Variants in ASTL observed in about 807,000 individuals in gnomAD.
ASTL encodes the protein astacin-like metalloendopeptidase.
Under a neutral mutation model 36.7 loss-of-function variants are expected in ASTL, and 27 were observed. The observed-to-expected ratio is 0.73, with a 90% CI of 0.54 to 1.01. The LOEUF (loss-of-function observed/expected upper bound fraction) is 1.01. Ranked by LOEUF, ASTL falls within the 50% of genes least tolerant of loss-of-function variation. The probability of loss-of-function intolerance (pLI) is 0.00; values close to 1 mark genes in which losing one functional copy is unlikely to be tolerated. For synonymous variants in ASTL, 222 were observed against 228.1 expected (o/e 0.97, Z 0.24); for missense variants, 524 against 572.8 (o/e 0.91, Z 0.87).
At chr2:96,137,927 G>A (rs1444118714) in intron 1 of ASTL, 2 of 531,502 alleles carry the variant, frequency 3.8e-6, no homozygotes, top group Non-Finnish European at 6.7e-6. Context: ...GGGACCAAAA[G>A]GGACCATGTG....
In ASTL at chr2:96,132,692, C is replaced by T. The variant is rs774455538; in HGVS notation, c.485G>A (p.Gly162Glu). 4 of 1,612,602 alleles carry T rather than the reference C, an allele frequency of 2.5e-6. No individual in the cohort carries two copies. Among genetic ancestry groups the T allele is most frequent in the Non-Finnish European group, 8.5e-7 (1 of 1,179,144 alleles). The change falls in exon 6 of 9, where the codon GGG (glycine) becomes GAG (glutamate). Residue 162 changes from glycine to glutamate, a missense_variant. Gly to Glu is a moderately conservative substitution (Grantham distance 98). Coordinates refer to ENST00000342380, the MANE Select transcript of ASTL (RefSeq NM_001002036.4). This position sits in a 1 kb window ranked among gnomAD's most constrained non-coding sequence, Gnocchi z 5.4. ...GCFSSVGRSG[G>E]MQVVSLAPTC... is the part of the protein sequence containing the mutation. Reference sequence around the variant, plus strand: ...GGGCGCCAGGGAGACCACCTGCATCCCTCCACTGCGCCCCACACTCGAGAA... The same window carrying T: ...GGGCGCCAGGGAGACCACCTGCATCTCTCCACTGCGCCCCACACTCGAGAA...
rs560734442 is a variant in ASTL at position 96,128,099 on chromosome 2, G to T, written c.874+1725C>A. 2.2e-5 allele frequency among the ~76,000 whole-genome samples: 3 copies of T among 135,392 alleles called. No homozygotes were observed. In the South Asian group the frequency reaches 6.7e-4, roughly 30 times the overall value. The allele number at this position is 135,392 out of a possible 152,430, so 88.8% of individuals were successfully genotyped here. ...AATACAAAATTAGCCAGGCATGGTG[G>T]TGCGTGACTGTAATCCCAGCTACAA... is the stretch of plus-strand genomic sequence containing the variant. On this transcript the variant is annotated intron_variant, in intron 8 of 8. Transcript: ENST00000342380.
intron 8 of ASTL, among the ~76,000 whole-genome samples, chr2:96,125,793 C>T (rs1682051780): frequency 6.6e-6 from 1 of 152,212 alleles, no homozygotes; most frequent in Admixed American, 6.5e-5. Flanking sequence ...AAATACAAAA[C>T]GTAGCCAGCA....
chr2:96,129,780 G>C lies in ASTL; in HGVS notation c.874+44C>G, dbSNP rs749188321. 6.0e-6 allele frequency: 9 copies of C among 1,503,384 alleles called. No homozygotes were observed. In the Admixed American group the frequency reaches 2.0e-4, roughly 34 times the overall value. The allele number at this position is 1,503,384 out of a possible 1,614,324, so 93.1% of individuals were successfully genotyped here. A position where few individuals can be genotyped will look rare whatever the true frequency, so the allele number is the denominator to read the frequency against. The stretch of plus-strand genomic sequence containing the variant: ...CCTCCCTGACACCATTAGAGCACAG[G>C]CGCCTTCTCCAGGTTCAAGTCACCT... On this transcript the variant is annotated intron_variant, in intron 8 of 8. Transcript: ENST00000342380.
rs965245169 is a variant in ASTL, at chr2:96,137,624, A to G, written c.132T>C (p.Pro44=). 6.2e-7 allele frequency: 1 copy of G among 1,613,814 alleles called. No homozygotes were observed. The highest frequency in any genetic ancestry group is 1.3e-5 in the African/African-American group (1 of 74,884). Reference sequence around the variant, plus strand: ...TGTCCCCGGAGGCCTGGGTTCCCTCAGGGGTGAGGCCATCTGGGAAGCTGG... The same window carrying G: ...TGTCCCCGGAGGCCTGGGTTCCCTCGGGGGTGAGGCCATCTGGGAAGCTGG... ...CGTSFPDGLT[P]EGTQASGDKD... The change falls in exon 2 of 9, where the codon CCT becomes CCC. Residue 44 remains proline (P), a synonymous_variant. Coordinates refer to ENST00000342380, the MANE Select transcript of ASTL (RefSeq NM_001002036.4).
rs750874250 is a variant in ASTL at position 96,132,581 on chromosome 2, C to T, written c.596G>A (p.Arg199Gln). 6.2e-6 allele frequency: 10 copies of T among 1,611,542 alleles called. No homozygotes were observed. Among genetic ancestry groups the T allele is most frequent in the South Asian group, 3.3e-5 (3 of 91,024 alleles). Residue 199 changes from arginine (R) to glutamine (Q), a missense_variant, in exon 6 of 9, where the codon CGG (arginine) becomes CAG (glutamine). Arg to Gln is a conservative substitution (Grantham distance 43). Transcript: ENST00000342380. This position sits in a 1 kb window ranked among gnomAD's most constrained non-coding sequence, Gnocchi z 5.4. ...GFWHEHTRADRDRYIRVNWNE... is the reference protein window; with the variant it reads ...GFWHEHTRADQDRYIRVNWNE... ...CCAGTTGACACGGATATAGCGGTCCCGGTCGGCCCGCGTGTGCTCGTGCCA... is the reference window on the plus strand; with the variant it reads ...CCAGTTGACACGGATATAGCGGTCCTGGTCGGCCCGCGTGTGCTCGTGCCA...
intron 8 of ASTL, among the ~76,000 whole-genome samples, chr2:96,127,722 A>T (rs991610320): frequency 1.2e-4 from 18 of 152,020 alleles, no homozygotes; most frequent in Non-Finnish European, 2.2e-4. Context: ...CCACAGGTGC[A>T]CACCACTATC....
At chr2:96,136,122 C>T (rs1365581353) in intron 2 of ASTL, among the ~76,000 whole-genome samples, 2 of 152,256 alleles carry the variant, frequency 1.3e-5, no homozygotes, top group Non-Finnish European at 2.9e-5. Flanking sequence ...CCACAAGTGA[C>T]TCACAGGGGG....
chr2:96,124,144 G>A lies in ASTL; in HGVS notation c.1002C>T (p.Pro334=), dbSNP rs746503620. ...GGCTCTCCCCAGGCCCTGCAGGAAC[G>A]GGCTGGCCTCCCGCACTGGAACCAC... The part of the protein sequence containing the change: ...DPSGSSAGGQ[P]VPAGPGESPH... Residue 334 remains proline (P), a synonymous_variant, in exon 9 of 9, where the codon CCC becomes CCT. Coordinates refer to ENST00000342380, the MANE Select transcript of ASTL (RefSeq NM_001002036.4). This position sits in a 1 kb window ranked among gnomAD's most constrained non-coding sequence, Gnocchi z 4.1. The A allele has an allele frequency of 1.4e-5, 22 of 1,570,284 alleles. No homozygotes were observed. Among genetic ancestry groups the A allele is most frequent in the African/African-American group, 9.5e-5 (7 of 73,664 alleles).
At chr2:96,134,515 C>T (rs915494268) in intron 3 of ASTL, among the ~76,000 whole-genome samples, 1 of 152,232 alleles carries the variant, frequency 6.6e-6, no homozygotes, top group Non-Finnish European at 1.5e-5. Context: ...CTGCTTACTT[C>T]TGCTCTCCAG....
At position 96,124,355 on chromosome 2, in the gene ASTL, C is replaced by A; in HGVS notation, c.875-84G>T. ...CTGTGCGGACCCAGAGCTGGCTCAG[C>A]TCACAGGAGTGGTGCCCACCCATGC... On this transcript the variant is annotated intron_variant, in intron 8 of 8. Coordinates refer to ENST00000342380, the MANE Select transcript of ASTL (RefSeq NM_001002036.4). The surrounding 1 kb of genome is among the most constrained non-coding windows in gnomAD (Gnocchi z 4.1). 3 of 1,304,842 alleles carry A rather than the reference C, an allele frequency of 2.3e-6. No individual in the cohort carries two copies. The highest frequency in any genetic ancestry group is 3.0e-6 in the Non-Finnish European group (3 of 990,546). The allele number at this position is 1,304,842 out of a possible 1,614,324, so 80.8% of individuals were successfully genotyped here.
chr2:96,129,771 A>G, intron 8 of ASTL, 53 bp downstream of exon 8: 1 of 1,490,654 alleles, frequency 6.7e-7, no homozygotes, highest in Non-Finnish European at 9.0e-7. Context: ...TGACACCATT[A>G]GAGCACAGGC....
At chr2:96,137,381 G>A (rs936208022) in intron 2 of ASTL, among the ~76,000 whole-genome samples, 194 bp downstream of exon 2, 11 of 152,198 alleles carry the variant, frequency 7.2e-5, no homozygotes, top group African/African-American at 2.2e-4. Flanking sequence ...GAGGCAGGAA[G>A]ATCACTTAAG....
At chr2:96,130,274 C>G (rs1682148684) in intron 6 of ASTL, 129 bp from the exon 7 acceptor site, 1 of 717,612 alleles carries the variant, frequency 1.4e-6, no homozygotes, top group East Asian at 2.6e-5. Flanking sequence ...CCCACAGCCA[C>G]CATGCTGCTT....
At chr2:96,128,477 T>A (rs1682106488) in intron 8 of ASTL, among the ~76,000 whole-genome samples, 2 of 152,198 alleles carry the variant, frequency 1.3e-5, no homozygotes. Context: ...TATTTGCGCA[T>A]GATATGAGTT....
intron 8 of ASTL, among the ~76,000 whole-genome samples, chr2:96,128,469 T>C (rs532025441): frequency 6.6e-6 from 1 of 152,308 alleles, no homozygotes; most frequent in South Asian, 2.1e-4. Context: ...TCCAGAGTTA[T>C]TTGCGCATGA....
rs1681985891 is a variant in ASTL, at chr2:96,122,860, G to A, written c.*990C>T. On this transcript the variant is annotated 3_prime_UTR_variant, in exon 9 of 9. Coordinates refer to ENST00000342380, the MANE Select transcript of ASTL (RefSeq NM_001002036.4). ...ACTTTATTTCCTCCCCCAACATGTG[G>A]GGCTCCTGCCCCTTCTACCCCAAGC... is the stretch of plus-strand genomic sequence containing the variant. 6.6e-6 allele frequency among the ~76,000 whole-genome samples: 1 copy of A among 152,326 alleles called. No individual in the cohort carries two copies. The highest frequency in any genetic ancestry group is 1.9e-4 in the East Asian group (1 of 5,182).
intron 8 of ASTL, among the ~76,000 whole-genome samples, chr2:96,126,384 C>A (rs1682063835): frequency 6.6e-6 from 1 of 152,314 alleles, no homozygotes; most frequent in Middle Eastern, 3.4e-3. Context: ...AGATGACCAA[C>A]AAGCACATTA....
At chr2:96,129,771 AGAG>A in intron 8 of ASTL, 50 bp downstream of exon 8, 1 of 1,490,654 alleles carries the variant, frequency 6.7e-7, no homozygotes, top group East Asian at 2.3e-5. Context: ...TGACACCATT[AGAG>A]CACAGGCGCC....
Sources: allele counts gnomAD v4.1 joint callset (sites outside exome capture counted in the v4.1 genomes callset), GRCh38; gene constraint gnomAD v4.1.1; non-coding constraint Gnocchi (gnomAD v3.1); transcripts MANE v1.5; gene names NCBI Gene and HGNC (gene_info 2026-07-23, HGNC 2026-07-21).